Variants in PCNX1 observed in about 807,000 individuals in gnomAD.
The protein encoded by PCNX1 is pecanex-like protein 1.
Under a neutral mutation model 242.2 loss-of-function variants are expected in PCNX1, and 78 were observed. The ratio of observed to expected loss-of-function variants is 0.32; its 90% CI spans 0.27 to 0.39. The LOEUF (loss-of-function observed/expected upper bound fraction) is 0.39, where lower values mean the gene tolerates loss of function less well. Among genes scored for constraint, PCNX1 ranks in the 10% least tolerant of loss-of-function variants. PCNX1 has a pLI of 1.00. For synonymous variants in PCNX1, 1,024 were observed against 1,032.9 expected (o/e 0.99, Z 0.17); for missense variants, 2,581 against 2,856.5 (o/e 0.90, Z 2.20).
chr14:71,089,368 C>T, intron 30 of PCNX1, 26 bp downstream of exon 30: 1 of 1,563,314 alleles, frequency 6.4e-7, no homozygotes, highest in South Asian at 1.1e-5. Context: ...TTTTCTAATT[C>T]ATTACTGGTG....
At chr14:71,061,936 C>A (rs2061335238) in intron 26 of PCNX1, among the ~76,000 whole-genome samples, 1 of 151,982 alleles carries the variant, frequency 6.6e-6, no homozygotes. Flanking sequence ...AAAGAAGAAA[C>A]CCCAAGAAAA....
At position 70,990,963 on chromosome 14, in the gene PCNX1, C is replaced by T. The variant is rs146600963; in HGVS notation, c.2444+2264C>T. 6.8e-4 allele frequency among the ~76,000 whole-genome samples: 102 copies of T among 149,646 alleles called. 1 individual carries two copies. The East Asian group carries it at 0.014, about 21-fold the overall frequency. ...TTTCTTACTCCATGTTTATATAAAA[C>T]TTTTTTTTTTAACTTTTGCTTTTCA... On this transcript the variant is annotated intron_variant, in intron 7 of 35. Transcript: ENST00000304743.
chr14:71,060,291 G>C (rs1199700427), intron 26 of PCNX1, among the ~76,000 whole-genome samples: 2 of 152,002 alleles, frequency 1.3e-5, no homozygotes, highest in African/African-American at 2.4e-5. Context: ...ATTATGTACA[G>C]TACATAGTAC....
intron 26 of PCNX1, among the ~76,000 whole-genome samples, chr14:71,069,032 G>A (rs546579742): frequency 1.1e-4 from 16 of 152,216 alleles, no homozygotes; most frequent in African/African-American, 3.9e-4. Flanking sequence ...CCATGTGGCT[G>A]GGGAGGCCTC....
intron 8 of PCNX1, among the ~76,000 whole-genome samples, chr14:71,001,113 A>T (rs1372627356): frequency 6.6e-6 from 1 of 151,812 alleles, no homozygotes; most frequent in Non-Finnish European, 1.5e-5. Flanking sequence ...TTGTTATATA[A>T]TCATCTTTGT....
intron 5 of PCNX1, among the ~76,000 whole-genome samples, chr14:70,974,873 G>T (rs929917341): frequency 6.6e-6 from 1 of 151,880 alleles, no homozygotes; most frequent in Non-Finnish European, 1.5e-5. Context: ...TTTTCATATG[G>T]GTAACAGTAA....
At chr14:70,961,919 G>A (rs534921721) in intron 2 of PCNX1, among the ~76,000 whole-genome samples, 76 of 152,232 alleles carry the variant, frequency 5.0e-4, no homozygotes, top group Admixed American at 1.6e-3. Flanking sequence ...TTGATGGCAC[G>A]TATCGTAACA....
intron 16 of PCNX1, among the ~76,000 whole-genome samples, chr14:71,031,291 C>T (rs991013461): frequency 6.6e-6 from 1 of 152,172 alleles, no homozygotes; most frequent in African/African-American, 2.4e-5. Flanking sequence ...ACCTCAAATC[C>T]AACATCCCTT....
intron 24 of PCNX1, chr14:71,053,233 TG>T: frequency 4.4e-6 from 2 of 451,796 alleles, no homozygotes; most frequent in Non-Finnish European, 8.8e-6. Context: ...CTTAACTTTT[TG>T]GATTTAGAAC....
Position 71,003,080 on chromosome 14 carries a change from C to CTTTTTTTTTTTTT in PCNX1, c.2630-6546_2630-6534dup, listed in dbSNP as rs3083307. 7.4e-3 allele frequency among the ~76,000 whole-genome samples: 705 copies of CTTTTTTTTTTTTT among 95,430 alleles called. 59 individuals carry two copies. The highest frequency in any genetic ancestry group is 0.012 in the South Asian group (33 of 2,784). 62.6% of individuals were successfully genotyped at this position (95,430 alleles called of 152,430 possible). A position where few individuals can be genotyped will look rare whatever the true frequency, so the allele number is the denominator to read the frequency against. On this transcript the variant is annotated intron_variant, in intron 8 of 35. Coordinates refer to ENST00000304743, the MANE Select transcript of PCNX1 (RefSeq NM_014982.3). ...TAAAAATCGGGTTGTTGGTTGTCTT[C>CTTTTTTTTTTTTT]TTTTTTTTTTTTTTTTTTTTGAGAC...
intron 3 of PCNX1, among the ~76,000 whole-genome samples, chr14:70,965,197 C>T (rs958351434): frequency 1.3e-5 from 2 of 152,158 alleles, no homozygotes; most frequent in African/African-American, 4.8e-5. Flanking sequence ...TTTCATTCCT[C>T]TCCTTACCTC....
Position 70,918,365 on chromosome 14 carries a change from T to A in PCNX1, c.153+10362T>A, listed in dbSNP as rs529971168. On this transcript the variant is annotated intron_variant, in intron 1 of 35. Coordinates refer to ENST00000304743, the MANE Select transcript of PCNX1 (RefSeq NM_014982.3). ...GTGACTCTTCCTTTCACTTGAACAC[T>A]CTTTACTATCGTCTGTGGGCAAGGT... 9.2e-5 allele frequency among the ~76,000 whole-genome samples: 14 copies of A among 152,332 alleles called. No homozygotes were observed. The East Asian group carries it at 2.5e-3, about 27-fold the overall frequency.
At chr14:70,914,815 C>G (rs989703994) in intron 1 of PCNX1, among the ~76,000 whole-genome samples, 3 of 152,138 alleles carry the variant, frequency 2.0e-5, no homozygotes, top group Non-Finnish European at 2.9e-5. Context: ...CAGGTAGGTT[C>G]TAAAGGCACA....
Position 71,001,731 on chromosome 14 carries a change from T to G in PCNX1, c.2629+5806T>G, listed in dbSNP as rs142207430. Reference sequence around the variant, plus strand: ...GCATTAGTTGGAATATATGCTAGATTCTTTAAAGGAGAGACCCTTCCAAAA... The same window carrying G: ...GCATTAGTTGGAATATATGCTAGATGCTTTAAAGGAGAGACCCTTCCAAAA... On this transcript the variant is annotated intron_variant, in intron 8 of 35. Coordinates refer to ENST00000304743, the MANE Select transcript of PCNX1 (RefSeq NM_014982.3). 2.3e-3 allele frequency among the ~76,000 whole-genome samples: 358 copies of G among 152,346 alleles called. 1 individual carries two copies. Among genetic ancestry groups the G allele is most frequent in the African/African-American group, 8.1e-3 (335 of 41,574 alleles).
chr14:71,104,176 CAT>C (rs1413867667), intron 32 of PCNX1, among the ~76,000 whole-genome samples: 1 of 152,162 alleles, frequency 6.6e-6, no homozygotes, highest in Non-Finnish European at 1.5e-5. Context: ...CAAATATTCA[CAT>C]GATTTTTTTT....
At chr14:71,034,702 A>G (rs2286314) in intron 18 of PCNX1, among the ~76,000 whole-genome samples, 13,773 of 152,256 alleles carry the variant, frequency 0.09, 737 homozygotes, top group Admixed American at 0.17. Flanking sequence ...ATTTATGTAG[A>G]TGTTGAATTA....
chr14:71,091,772 A>G (rs764671448), intron 30 of PCNX1, among the ~76,000 whole-genome samples: 5 of 152,250 alleles, frequency 3.3e-5, no homozygotes, highest in Non-Finnish European at 7.3e-5. Context: ...TTAAATCATA[A>G]CTACATAAAG....
At position 70,987,394 on chromosome 14, in the gene PCNX1, C is replaced by T. The variant is rs181564425; in HGVS notation, c.2312-1173C>T. On this transcript the variant is annotated intron_variant, in intron 6 of 35. Coordinates refer to ENST00000304743, the MANE Select transcript of PCNX1 (RefSeq NM_014982.3). The stretch of plus-strand genomic sequence containing the variant: ...TAATTTTAATTTAAGTTTAAATAGC[C>T]ACATATGGCTAATGGCTACTGCATT... Among the ~76,000 whole-genome samples the T allele has an allele frequency of 2.0e-3, 306 of 152,200 alleles. No homozygotes were observed. In the South Asian group the frequency reaches 0.023, roughly 11 times the overall value.
At chr14:71,028,620 T>G in intron 15 of PCNX1, 80 bp from the exon 16 acceptor site, 1 of 786,954 alleles carries the variant, frequency 1.3e-6, no homozygotes, top group Admixed American at 2.6e-5. Flanking sequence ...TTATAATATT[T>G]TAAATGCTTT....
Sources: allele counts gnomAD v4.1 joint callset (sites outside exome capture counted in the v4.1 genomes callset), GRCh38; gene constraint gnomAD v4.1.1; transcripts MANE v1.5; gene names NCBI Gene and HGNC (gene_info 2026-07-23, HGNC 2026-07-21).